Variants in SVOP observed in about 807,000 individuals in gnomAD.
SVOP encodes the protein SV2 related protein.
SVOP carries 17 observed loss-of-function variants against 69.1 expected under a neutral mutation model. The ratio of observed to expected loss-of-function variants is 0.25; its 90% confidence interval spans 0.17 to 0.37. The LOEUF is 0.37. Ranked by LOEUF, SVOP falls within the 10% of genes least tolerant of loss-of-function variation. The probability of loss-of-function intolerance (pLI) is 1.00; values close to 1 mark genes in which losing one functional copy is unlikely to be tolerated. For synonymous variants in SVOP, 238 were observed against 238.6 expected (o/e 1.00, Z 0.02); for missense variants, 435 against 597.5 (o/e 0.73, Z 2.84).
chr12:108,955,825 A>G (rs977010197), intron 6 of SVOP, among the ~76,000 whole-genome samples: 1 of 152,212 alleles, frequency 6.6e-6, no homozygotes, highest in Non-Finnish European at 1.5e-5. Flanking sequence ...GAATGTTGTC[A>G]TTTAATGACT....
intron 1 of SVOP, among the ~76,000 whole-genome samples, chr12:108,995,428 T>C (rs73413017): frequency 0.24 from 36,185 of 151,970 alleles, 5,343 homozygotes; most frequent in African/African-American, 0.41. Flanking sequence ...GGATTCTACC[T>C]ATGTGAGGGG....
intron 12 of SVOP, among the ~76,000 whole-genome samples, chr12:108,921,262 A>G (rs768441713): frequency 4.1e-4 from 63 of 152,012 alleles, no homozygotes; most frequent in Admixed American, 2.4e-3. Flanking sequence ...GTTTTAGAGG[A>G]AAGATAGACA....
At chr12:109,012,492 G>A (rs11065792) in intron 1 of SVOP, among the ~76,000 whole-genome samples, 2 of 152,030 alleles carry the variant, frequency 1.3e-5, no homozygotes, top group South Asian at 4.1e-4. Flanking sequence ...ACGTATTTCA[G>A]AACAACATGT....
At chr12:108,917,037 G>C (rs1263887669) in intron 14 of SVOP, among the ~76,000 whole-genome samples, 1 of 152,328 alleles carries the variant, frequency 6.6e-6, no homozygotes, top group African/African-American at 2.4e-5. Context: ...GTGAACCACT[G>C]TGCCTGGCCT....
At chr12:108,971,426 C>G (rs899555378) in intron 5 of SVOP, among the ~76,000 whole-genome samples, 3 of 54,194 alleles carry the variant, frequency 5.5e-5, no homozygotes, top group African/African-American at 1.9e-4. Flanking sequence ...AAGACTCCGT[C>G]TCAAAAAAAA....
chr12:108,918,202 T>C (rs1458766627), intron 13 of SVOP, 78 bp from the exon 14 acceptor site: 1 of 1,199,126 alleles, frequency 8.3e-7, no homozygotes, highest in African/African-American at 1.6e-5. Context: ...TCCCAGGCAG[T>C]ATCAATGCCC....
chr12:108,917,686 AGGCTGGAGTACAGT>A (rs1393958482), intron 14 of SVOP, among the ~76,000 whole-genome samples: 1 of 149,000 alleles, frequency 6.7e-6, no homozygotes, highest in Non-Finnish European at 1.5e-5. Context: ...TCCATTGCCC[AGGCTGGAGTACAGT>A]GGCATGACCA....
chr12:108,937,392 A>G, intron 9 of SVOP, 55 bp from the exon 10 acceptor site: 1 of 1,559,462 alleles, frequency 6.4e-7, no homozygotes, highest in Non-Finnish European at 8.8e-7. Flanking sequence ...TGCACGGGAG[A>G]TGGGCTGGTG....
intron 1 of SVOP, among the ~76,000 whole-genome samples, chr12:109,010,248 T>C (rs2040333363): frequency 6.6e-6 from 1 of 152,140 alleles, no homozygotes; most frequent in Non-Finnish European, 1.5e-5. Flanking sequence ...ATCAGTCTTG[T>C]AGAGCTGAAA....
chr12:108,946,690 T>TTTTTTATTA lies in SVOP; in HGVS notation c.579-1525_579-1524insTAATAAAAA, dbSNP rs1555249973. ...TTTATTCCATGAGTTGCAACCTGTT[T>TTTTTTATTA]TTATTATTATTATTATTATTATTAT... On this transcript the variant is annotated intron_variant, in intron 6 of 15. Transcript: ENST00000610966. Among the ~76,000 whole-genome samples, 14 of 136,520 alleles carry TTTTTTATTA rather than the reference T, an allele frequency of 1.0e-4. No homozygotes were observed. In the South Asian group the frequency reaches 1.2e-3, roughly 12 times the overall value. The allele number at this position is 136,520 out of a possible 152,430, so 89.6% of individuals were successfully genotyped here.
chr12:108,985,309 G>T (rs1248159333), intron 1 of SVOP, among the ~76,000 whole-genome samples: 1 of 148,084 alleles, frequency 6.8e-6, no homozygotes, highest in Non-Finnish European at 1.5e-5. Flanking sequence ...GAGAGAGAAA[G>T]AAATAAAAAA....
At chr12:108,935,550 C>T (rs561424328) in intron 10 of SVOP, among the ~76,000 whole-genome samples, 2 of 152,280 alleles carry the variant, frequency 1.3e-5, no homozygotes, top group Non-Finnish European at 2.9e-5. Flanking sequence ...CTTAGGAATT[C>T]GGGGCAGAGC....
At chr12:108,971,166 T>C (rs542951650) in intron 5 of SVOP, among the ~76,000 whole-genome samples, 6 of 152,156 alleles carry the variant, frequency 3.9e-5, no homozygotes, top group Non-Finnish European at 5.9e-5. Flanking sequence ...CAGTGGCTCA[T>C]GCCTGTAATC....
At chr12:108,950,833 T>C (rs1266759197) in intron 6 of SVOP, among the ~76,000 whole-genome samples, 1 of 152,242 alleles carries the variant, frequency 6.6e-6, no homozygotes, top group Non-Finnish European at 1.5e-5. Context: ...CTATAATTGT[T>C]GTGCCCCATA....
chr12:108,987,278 T>C (rs1398846730), intron 1 of SVOP, among the ~76,000 whole-genome samples: 2 of 152,170 alleles, frequency 1.3e-5, no homozygotes, highest in East Asian at 3.8e-4. Context: ...TTGCAGAACT[T>C]CCCTCCTTTT....
At chr12:108,922,914 C>A in intron 11 of SVOP, 117 bp from the exon 12 acceptor site, 1 of 701,598 alleles carries the variant, frequency 1.4e-6, no homozygotes, top group Non-Finnish European at 2.5e-6. Context: ...TAGAAAGAGC[C>A]CAGACTCAGA....
chr12:108,965,123 C>G (rs895143740), intron 5 of SVOP, among the ~76,000 whole-genome samples: 1 of 152,222 alleles, frequency 6.6e-6, no homozygotes, highest in Non-Finnish European at 1.5e-5. Flanking sequence ...AGGAACATGA[C>G]AGCCAGAGTC....
At chr12:108,943,373 G>C (rs1242093487) in intron 7 of SVOP, among the ~76,000 whole-genome samples, 1 of 151,798 alleles carries the variant, frequency 6.6e-6, no homozygotes, top group African/African-American at 2.4e-5. Flanking sequence ...CGAGGTGGGT[G>C]GCTCATGAGG....
chr12:109,003,331 T>C (rs1448801768), intron 1 of SVOP, among the ~76,000 whole-genome samples: 1 of 152,240 alleles, frequency 6.6e-6, no homozygotes, highest in East Asian at 1.9e-4. Flanking sequence ...ATTATAAATA[T>C]ACATAACAAC....
Sources: allele counts gnomAD v4.1 joint callset (sites outside exome capture counted in the v4.1 genomes callset), GRCh38; gene constraint gnomAD v4.1.1; transcripts MANE v1.5; gene names NCBI Gene and HGNC (gene_info 2026-07-23, HGNC 2026-07-21).